SORCS3: variants seen among roughly 807,000 people sequenced by gnomAD.
The protein encoded by SORCS3 is VPS10 domain-containing receptor SorCS3.
SORCS3 carries 57 observed loss-of-function variants against 146.3 expected under a neutral mutation model. The ratio of observed to expected loss-of-function variants is 0.39; its 90% CI spans 0.31 to 0.49. The LOEUF is 0.49. Among genes scored for constraint, SORCS3 ranks in the 20% least tolerant of loss-of-function variants. SORCS3 has a pLI of 0.92. For synonymous variants in SORCS3, 653 were observed against 618.5 expected, an observed-to-expected ratio of 1.06 and a Z score of -0.83; for missense variants, 1,341 against 1,575.5, an observed-to-expected ratio of 0.85 and a Z score of 2.52.
chr10:104,962,312 A>G (rs2054800758), intron 3 of SORCS3, among the ~76,000 whole-genome samples: 1 of 152,186 alleles, frequency 6.6e-6, no homozygotes, highest in South Asian at 2.1e-4. Flanking sequence ...TATGTTGAAG[A>G]GGTCAAGCCT....
intron 2 of SORCS3, among the ~76,000 whole-genome samples, chr10:104,909,421 T>C (rs1169624656): frequency 2.0e-5 from 3 of 152,120 alleles, no homozygotes; most frequent in Non-Finnish European, 4.4e-5. Context: ...CAACTGTGGT[T>C]GTTTGCCAAT....
chr10:104,721,752 G>A lies in SORCS3; in HGVS notation c.627+79798G>A, dbSNP rs535456747. Among the ~76,000 whole-genome samples, 10 of 152,008 alleles carry A rather than the reference G, an allele frequency of 6.6e-5. No homozygotes were observed. In the East Asian group the frequency reaches 1.7e-3, roughly 26 times the overall value. On this transcript the variant is annotated intron_variant, in intron 1 of 26. Transcript: ENST00000369701. ...CTCTTTGAAGCAATTGTGAATGGGA[G>A]TTCACTCATGATTTGGCTCTCTGTT... is the stretch of plus-strand genomic sequence containing the variant.
At chr10:104,774,461 G>C (rs2133485868) in intron 1 of SORCS3, among the ~76,000 whole-genome samples, 1 of 152,316 alleles carries the variant, frequency 6.6e-6, no homozygotes, top group East Asian at 1.9e-4. Flanking sequence ...CCCTTGCATG[G>C]TGTCTGCCAT....
At chr10:105,234,548 C>CT (rs80043319) in intron 20 of SORCS3, among the ~76,000 whole-genome samples, 11,271 of 138,006 alleles carry the variant, frequency 0.082, 514 homozygotes, top group Middle Eastern at 0.19. Flanking sequence ...TATTCTTTTC[C>CT]TTTTTTTTTT....
chr10:105,217,966 G>A (rs1338441387), intron 19 of SORCS3: 1 of 444,108 alleles, frequency 2.3e-6, no homozygotes, highest in Non-Finnish European at 4.5e-6. Context: ...GAGTTTCCAG[G>A]TAATATGCTA....
intron 1 of SORCS3, among the ~76,000 whole-genome samples, chr10:104,655,760 T>C (rs1038293810): frequency 1.3e-5 from 2 of 152,118 alleles, no homozygotes; most frequent in African/African-American, 4.8e-5. Flanking sequence ...GTTAAAAGTG[T>C]GCAGTGCCTC....
chr10:105,172,436 T>A (rs542489543), intron 13 of SORCS3, among the ~76,000 whole-genome samples: 1 of 152,294 alleles, frequency 6.6e-6, no homozygotes, highest in African/African-American at 2.4e-5. Flanking sequence ...CACATGGAAA[T>A]CTTTATTCTA....
chr10:104,648,289 C>T (rs531832824), intron 1 of SORCS3, among the ~76,000 whole-genome samples: 3 of 152,326 alleles, frequency 2.0e-5, no homozygotes, highest in Non-Finnish European at 2.9e-5. Flanking sequence ...AGAAACATGG[C>T]AGCCTGCCTT....
intron 3 of SORCS3, among the ~76,000 whole-genome samples, chr10:104,961,045 G>A (rs928346422): frequency 5.9e-5 from 9 of 152,046 alleles, no homozygotes; most frequent in Non-Finnish European, 1.3e-4. Context: ...TATAAATTAG[G>A]TTTGTTTTGT....
Position 105,031,361 on chromosome 10 carries a change from AC to A in SORCS3, c.955-11693del, listed in dbSNP as rs1435865655. On this transcript the variant is annotated intron_variant, in intron 4 of 26. Coordinates refer to ENST00000369701, the MANE Select transcript of SORCS3 (RefSeq NM_014978.3). The stretch of plus-strand genomic sequence containing the variant: ...CACACACACACACACACACACACAC[AC>A]AAAAACATGTATGTTTGTTTTACAA... 4.7e-5 allele frequency among the ~76,000 whole-genome samples: 7 copies of A among 149,320 alleles called. No individual in the cohort carries two copies. In the Middle Eastern group the frequency reaches 0.01, roughly 219 times the overall value.
chr10:104,893,763 C>T (rs2018771988), intron 2 of SORCS3, among the ~76,000 whole-genome samples: 1 of 152,190 alleles, frequency 6.6e-6, no homozygotes, highest in Non-Finnish European at 1.5e-5. Flanking sequence ...TGAACAGCTC[C>T]TTGCTTTTCC....
chr10:105,047,852 G>T (rs1331933751), intron 5 of SORCS3, among the ~76,000 whole-genome samples: 1 of 152,022 alleles, frequency 6.6e-6, no homozygotes, highest in Non-Finnish European at 1.5e-5. Context: ...GAGGAAGAAT[G>T]GAAAAACAAA....
At chr10:104,696,129 C>CACATATTATATATAATAT (rs1564660942) in intron 1 of SORCS3, among the ~76,000 whole-genome samples, 3 of 102,668 alleles carry the variant, frequency 2.9e-5, no homozygotes, top group African/African-American at 1.2e-4. Context: ...TAATATATAT[C>CACATATTATATATAATAT]ATATACACAT....
chr10:105,242,388 A>G (rs372551707), intron 20 of SORCS3, among the ~76,000 whole-genome samples: 14 of 112,274 alleles, frequency 1.2e-4, no homozygotes, highest in Admixed American at 5.8e-4. Context: ...ATTTATATAT[A>G]TTTATATATT....
intron 18 of SORCS3, 98 bp downstream of exon 18, chr10:105,214,711 A>G (rs1260865128): frequency 1.7e-6 from 2 of 1,178,618 alleles, no homozygotes; most frequent in South Asian, 1.7e-5. Flanking sequence ...CCCTGCACCA[A>G]AGTCAATGGT....
At chr10:105,141,879 A>G (rs1377867828) in intron 8 of SORCS3, among the ~76,000 whole-genome samples, 1 of 152,242 alleles carries the variant, frequency 6.6e-6, no homozygotes, top group Non-Finnish European at 1.5e-5. Context: ...CCATGAGCCC[A>G]GGTCTTCACA....
intron 4 of SORCS3, among the ~76,000 whole-genome samples, chr10:105,031,304 A>G (rs986972903): frequency 1.4e-5 from 2 of 143,868 alleles, no homozygotes; most frequent in African/African-American, 5.4e-5. Context: ...AGTCTCAAAA[A>G]AACAAACAAA....
At chr10:104,725,085 T>C (rs182402532) in intron 1 of SORCS3, among the ~76,000 whole-genome samples, 106 of 152,276 alleles carry the variant, frequency 7.0e-4, no homozygotes, top group African/African-American at 2.2e-3. Context: ...TTCTGCTCTG[T>C]TTTTTCCCCA....
At chr10:104,774,412 C>T (rs945605779) in intron 1 of SORCS3, among the ~76,000 whole-genome samples, 5 of 152,134 alleles carry the variant, frequency 3.3e-5, no homozygotes, top group African/African-American at 4.8e-5. Flanking sequence ...CCTGTGTCGA[C>T]GCTGCCATTT....
Sources: gnomAD v4.1 joint callset for allele counts (sites outside exome capture counted in the v4.1 genomes callset) on GRCh38, gnomAD v4.1.1 for gene constraint, MANE v1.5 for transcripts, NCBI Gene and HGNC (gene_info 2026-07-23, HGNC 2026-07-21) for gene names.